Variants in ACACA observed in about 807,000 individuals in gnomAD.
The protein encoded by ACACA is acetyl-CoA carboxylase alpha.
ACACA carries 103 observed loss-of-function variants against 296.1 expected under a neutral mutation model. The ratio of observed to expected loss-of-function variants is 0.35; its 90% CI spans 0.30 to 0.41. The LOEUF is 0.41. Ranked by LOEUF, ACACA falls within the 10% of genes least tolerant of loss-of-function variation. The pLI is 1.00. For missense variants in ACACA, 1,554 were observed against 2,989.7 expected, an observed-to-expected ratio of 0.52 and a Z score of 11.20; for synonymous variants, 953 against 1,038.6, an observed-to-expected ratio of 0.92 and a Z score of 1.58.
chr17:37,256,159 T>C (rs538762638), intron 14 of ACACA, among the ~76,000 whole-genome samples: 2 of 152,148 alleles, frequency 1.3e-5, no homozygotes, highest in East Asian at 1.9e-4. Context: ...GATTTTTTAA[T>C]ATTGTCAAAT....
chr17:37,259,678 A>G, intron 11 of ACACA, 148 bp from the exon 12 acceptor site: 3 of 849,076 alleles, frequency 3.5e-6, no homozygotes, highest in East Asian at 2.6e-5. Flanking sequence ...ATTATTATAC[A>G]ATATCCCTGG....
intron 45 of ACACA, among the ~76,000 whole-genome samples, chr17:37,134,587 C>G (rs1413212369): frequency 6.6e-6 from 1 of 152,134 alleles, no homozygotes; most frequent in African/African-American, 2.4e-5. Flanking sequence ...AATTATCATG[C>G]ATATCAATGA....
intron 29 of ACACA, 90 bp downstream of exon 29, chr17:37,221,634 A>C: frequency 2.6e-6 from 3 of 1,153,044 alleles, no homozygotes; most frequent in Non-Finnish European, 4.0e-6. Flanking sequence ...TTCTAACTAA[A>C]AAAACATGGA....
At chr17:37,226,552 A>G in intron 25 of ACACA, 100 bp from the exon 26 acceptor site, 1 of 1,028,426 alleles carries the variant, frequency 9.7e-7, no homozygotes, top group Non-Finnish European at 1.5e-6. Context: ...AAGTAAACCC[A>G]GCTGGATTAA....
chr17:37,156,201 C>G (rs1007895316), intron 42 of ACACA, among the ~76,000 whole-genome samples: 2 of 151,738 alleles, frequency 1.3e-5, no homozygotes, highest in African/African-American at 2.4e-5. Flanking sequence ...GTAGCTGGGA[C>G]TACAGGCACC....
chr17:37,155,457 T>C (rs1182960348), intron 43 of ACACA, among the ~76,000 whole-genome samples: 1 of 152,150 alleles, frequency 6.6e-6, no homozygotes, highest in Non-Finnish European at 1.5e-5. Flanking sequence ...GTTTACATGT[T>C]TCAGTTTTTC....
intron 1 of ACACA, among the ~76,000 whole-genome samples, chr17:37,385,380 C>T (rs1714625): frequency 0.12 from 17,821 of 151,724 alleles, 1,230 homozygotes; most frequent in East Asian, 0.25. Context: ...GGCTGAGGCA[C>T]GAGAATCATT....
chr17:37,277,014 A>G lies in ACACA; in HGVS notation c.802+19T>C. The G allele has an allele frequency of 1.9e-6, 3 of 1,604,654 alleles. No individual in the cohort carries two copies. Among genetic ancestry groups the G allele is most frequent in the East Asian group, 2.2e-5 (1 of 44,852 alleles). On this transcript the variant is annotated intron_variant, in intron 7 of 55. Transcript: ENST00000616317. ...ACAGAAAGAAACAGAAAGACGGACA[A>G]TATGTCAGAACAGCTTACCCATGAA...
At chr17:37,261,254 T>C (rs1213432859) in intron 11 of ACACA, among the ~76,000 whole-genome samples, 1 of 152,044 alleles carries the variant, frequency 6.6e-6, no homozygotes, top group Admixed American at 6.6e-5. Context: ...GTGTCAAAGA[T>C]CAAACGTGCT....
intron 3 of ACACA, among the ~76,000 whole-genome samples, chr17:37,328,229 C>T (rs2047707977): frequency 6.6e-6 from 1 of 152,128 alleles, no homozygotes; most frequent in Admixed American, 6.5e-5. Context: ...CAAACTTAGG[C>T]AAGTTATTTC....
rs1366270950 is a variant in ACACA, at chr17:37,285,056, C to T, written c.339-86G>A. On this transcript the variant is annotated intron_variant, in intron 3 of 55. Coordinates refer to ENST00000616317, the MANE Select transcript of ACACA (RefSeq NM_198834.3). ...TACCATACCCATAACAGTACTTTCA[C>T]AACTGCATCCTGTGAAGACTGCATG... 2.0e-6 allele frequency: 3 copies of T among 1,496,524 alleles called. No individual in the cohort carries two copies. In the African/African-American group the frequency reaches 4.1e-5, roughly 21 times the overall value. The allele number at this position is 1,496,524 out of a possible 1,614,324, so 92.7% of individuals were successfully genotyped here.
intron 2 of ACACA, among the ~76,000 whole-genome samples, chr17:37,331,403 C>T (rs1233885390): frequency 2.7e-5 from 4 of 145,990 alleles, no homozygotes; most frequent in African/African-American, 7.6e-5. Flanking sequence ...CCACCGCACC[C>T]GGCCTATTTT....
At chr17:37,133,492 AAC>A (rs1175949871) in intron 45 of ACACA, among the ~76,000 whole-genome samples, 1 of 152,238 alleles carries the variant, frequency 6.6e-6, no homozygotes, top group Non-Finnish European at 1.5e-5. Flanking sequence ...ATCATGCTAT[AAC>A]AGTTACACAA....
intron 5 of ACACA, among the ~76,000 whole-genome samples, chr17:37,281,259 A>T (rs1409124189): frequency 1.3e-5 from 2 of 151,746 alleles, no homozygotes; most frequent in Admixed American, 1.3e-4. Context: ...GGGTTTCATC[A>T]TGTTGACCAG....
intron 43 of ACACA, 105 bp downstream of exon 43, chr17:37,155,578 C>T (rs1407595729): frequency 6.2e-6 from 5 of 811,984 alleles, no homozygotes; most frequent in African/African-American, 1.7e-5. Flanking sequence ...ATTATGTCAT[C>T]TTCAATGTTC....
intron 1 of ACACA, among the ~76,000 whole-genome samples, chr17:37,374,317 G>T (rs1458277042): frequency 1.4e-5 from 2 of 141,982 alleles, no homozygotes; most frequent in East Asian, 2.0e-4. Context: ...ACGGAGTTTC[G>T]CTCTTGTTGC....
At chr17:37,207,102 T>C (rs2078537624) in intron 31 of ACACA, among the ~76,000 whole-genome samples, 1 of 152,236 alleles carries the variant, frequency 6.6e-6, no homozygotes, top group Non-Finnish European at 1.5e-5. Flanking sequence ...TATTTTTTCT[T>C]TTTTAGAAAG....
rs1275268183 is a variant in ACACA at position 37,339,868 on chromosome 17, G to T, written c.39-18C>A. 8.1e-7 allele frequency: 1 copy of T among 1,230,202 alleles called. No individual in the cohort carries two copies. Among genetic ancestry groups the T allele is most frequent in the Non-Finnish European group, 1.2e-6 (1 of 854,968 alleles). 76.2% of individuals were successfully genotyped at this position (1,230,202 alleles called of 1,614,324 possible). ...AAAAAGACCTAGAGAGAAAGAGAAA[G>T]ATTTTAAGGTTTTTTTTTTTAAGAA... On this transcript the variant is annotated intron_variant, in intron 1 of 55. Transcript: ENST00000616317.
intron 52 of ACACA, among the ~76,000 whole-genome samples, chr17:37,110,635 G>C (rs192801225): frequency 3.5e-4 from 54 of 152,296 alleles, no homozygotes; most frequent in African/African-American, 1.3e-3. Context: ...TCTGTCTCTG[G>C]ATGGTGGGGA....
Sources: gnomAD v4.1 joint callset for allele counts (sites outside exome capture counted in the v4.1 genomes callset) on GRCh38, gnomAD v4.1.1 for gene constraint, MANE v1.5 for transcripts, NCBI Gene and HGNC (gene_info 2026-07-23, HGNC 2026-07-21) for gene names.